The following STRA8 variants were observed in gnomAD, a reference collection of about 807,000 sequenced individuals.
STRA8 encodes the protein stimulated by retinoic acid gene 8 protein homolog.
Under a neutral mutation model 37.1 loss-of-function variants are expected in STRA8, and 18 were observed. That is an observed-to-expected ratio of 0.48 (90% CI 0.34 to 0.72). STRA8 has a LOEUF of 0.72. Among genes scored for constraint, STRA8 ranks in the 30% least tolerant of loss-of-function variants. The pLI is 0.01. For synonymous variants in STRA8, 168 were observed against 162.9 expected (o/e 1.03, Z -0.24); for missense variants, 357 against 410.4 (o/e 0.87, Z 1.13).
rs760242264 is a variant in STRA8, at chr7:135,240,735, G to A, written c.192+19G>A. 3.1e-6 allele frequency: 5 copies of A among 1,612,754 alleles called. No individual in the cohort carries two copies. In the South Asian group the frequency reaches 5.5e-5, roughly 18 times the overall value. ...CTCAAAGGTATGGGGACCTGGAGGA[G>A]GAGAGGGGACATCTCCACGGGGAAG... On this transcript the variant is annotated intron_variant, in intron 2 of 8. Transcript: ENST00000662584.
intron 4 of STRA8, 60 bp from the exon 5 acceptor site, chr7:135,245,228 T>C (rs1267574852): frequency 1.3e-6 from 1 of 779,266 alleles, no homozygotes; most frequent in Non-Finnish European, 2.4e-6. Flanking sequence ...TAAGAATTTC[T>C]TGTCCATGTT....
chr7:135,234,555 T>G (rs1296356846), intron 1 of STRA8, among the ~76,000 whole-genome samples: 1 of 152,252 alleles, frequency 6.6e-6, no homozygotes, highest in African/African-American at 2.4e-5. Context: ...GACTGATGCT[T>G]AAAAATGAAC....
At chr7:135,255,854 C>G (rs574600986) in intron 8 of STRA8, among the ~76,000 whole-genome samples, 1 of 152,374 alleles carries the variant, frequency 6.6e-6, no homozygotes, top group African/African-American at 2.4e-5. Context: ...GGGCCTGACT[C>G]TCAGCAGGCA....
chr7:135,239,013 A>G (rs1403814387), intron 1 of STRA8, among the ~76,000 whole-genome samples: 2 of 152,222 alleles, frequency 1.3e-5, no homozygotes, highest in Non-Finnish European at 2.9e-5. Context: ...CTGTTCCAAA[A>G]AGCAAAACAA....
chr7:135,254,559 A>G (rs1832679201), intron 7 of STRA8, among the ~76,000 whole-genome samples: 1 of 152,204 alleles, frequency 6.6e-6, no homozygotes, highest in Non-Finnish European at 1.5e-5. Flanking sequence ...AGTTGCTGTC[A>G]GCTTTTGAAG....
chr7:135,236,583 G>T (rs1832381692), intron 1 of STRA8, among the ~76,000 whole-genome samples: 1 of 152,108 alleles, frequency 6.6e-6, no homozygotes, highest in South Asian at 2.1e-4. Flanking sequence ...GTCTGGATAG[G>T]ATATCCAGCT....
rs755550427 is a variant in STRA8, at chr7:135,246,371, C to A, written c.594-46C>A. The A allele has an allele frequency of 3.2e-6, 5 of 1,568,954 alleles. No homozygotes were observed. Among genetic ancestry groups the A allele is most frequent in the Non-Finnish European group, 3.5e-6 (4 of 1,155,762 alleles). On this transcript the variant is annotated intron_variant, in intron 5 of 8. Coordinates refer to ENST00000662584, the MANE Select transcript of STRA8 (RefSeq NM_001394401.1). This position sits in a 1 kb window ranked among gnomAD's most constrained non-coding sequence, Gnocchi z 5.4. ...CCATGAACCGAATCCCGAATCGCTT[C>A]GAGAGGGAGCTTTAGGGGTGCGAGA...
intron 7 of STRA8, among the ~76,000 whole-genome samples, chr7:135,252,675 C>A (rs1034607607): frequency 3.3e-5 from 5 of 152,140 alleles, no homozygotes; most frequent in African/African-American, 1.2e-4. Flanking sequence ...CACTTTGCAC[C>A]CCATTCCCAG....
chr7:135,253,313 C>A (rs1427801737), intron 7 of STRA8, among the ~76,000 whole-genome samples: 2 of 152,100 alleles, frequency 1.3e-5, no homozygotes, highest in East Asian at 3.8e-4. Flanking sequence ...TCCCGGAGTC[C>A]CCCACCTCCT....
rs117266572 is a variant in STRA8, at chr7:135,234,406, C to A, written c.-7+503C>A. ...TACAGGCAGGAGCCACGGCACCCAG[C>A]CAATTCTGGATTATTTTTACATAAT... On this transcript the variant is annotated intron_variant, in intron 1 of 8. Transcript: ENST00000662584. Among the ~76,000 whole-genome samples, 37 of 152,250 alleles carry A rather than the reference C, an allele frequency of 2.4e-4. No individual in the cohort carries two copies. The East Asian group carries it at 6.9e-3, about 29-fold the overall frequency.
chr7:135,240,780 A>G, intron 2 of STRA8, 64 bp downstream of exon 2: 2 of 1,576,500 alleles, frequency 1.3e-6, no homozygotes, highest in Non-Finnish European at 1.7e-6. Context: ...TCACAGGTGG[A>G]GGGACTGTGT....
chr7:135,255,008 T>C (rs1469499631), intron 7 of STRA8, 106 bp from the exon 8 acceptor site: 2 of 849,020 alleles, frequency 2.4e-6, no homozygotes, highest in African/African-American at 3.3e-5. Context: ...AGAATTTACA[T>C]GTGCTTGGTT....
intron 1 of STRA8, among the ~76,000 whole-genome samples, chr7:135,239,116 G>T (rs1324515884): frequency 6.6e-6 from 1 of 152,200 alleles, no homozygotes; most frequent in Non-Finnish European, 1.5e-5. Flanking sequence ...TGCCTGATTG[G>T]GTTTACCATC....
intron 1 of STRA8, among the ~76,000 whole-genome samples, 37 bp downstream of exon 1, chr7:135,233,940 C>T (rs1183157371): frequency 6.6e-6 from 1 of 152,124 alleles, no homozygotes; most frequent in Non-Finnish European, 1.5e-5. Flanking sequence ...CAGAAAGGTG[C>T]CCTTGGGCAT....
At chr7:135,240,390 G>A in intron 1 of STRA8, 129 bp from the exon 2 acceptor site, 2 of 796,624 alleles carry the variant, frequency 2.5e-6, no homozygotes, top group South Asian at 3.7e-5. Context: ...AATTCATGAG[G>A]GAGTGAATTT....
chr7:135,253,607 A>G (rs1033630173), intron 7 of STRA8, among the ~76,000 whole-genome samples: 3 of 152,218 alleles, frequency 2.0e-5, no homozygotes, highest in African/African-American at 7.2e-5. Flanking sequence ...AGCTGACCCC[A>G]TGAAGTGGGA....
chr7:135,242,687 C>T (rs189650453), intron 2 of STRA8, 94 bp from the exon 3 acceptor site: 82 of 1,121,000 alleles, frequency 7.3e-5, no homozygotes, highest in African/African-American at 6.6e-4. Flanking sequence ...TCTGAGGGAG[C>T]GTGGCCTCAG....
At chr7:135,238,254 A>G (rs965305173) in intron 1 of STRA8, among the ~76,000 whole-genome samples, 1 of 152,174 alleles carries the variant, frequency 6.6e-6, no homozygotes, top group Non-Finnish European at 1.5e-5. Context: ...GCCTGGGGGC[A>G]GGCAAGATGG....
rs369670063 is a variant in STRA8 at position 135,246,560 on chromosome 7, G to C, written c.737G>C (p.Arg246Pro). ...TCGGAGGAGAGGAAGGCCAGCCTCC[G>C]GCAGGCCTGGGCGCAGAAGCACCGC... Reference protein sequence around the residue: ...NLSEERKASLRQAWAQKHRGP... With the variant: ...NLSEERKASLPQAWAQKHRGP... The change falls in exon 6 of 9, where the codon CGG (arginine) becomes CCG (proline). Residue 246 changes from arginine to proline, a missense_variant. Physicochemically the swap from Arg to Pro is moderately radical, Grantham distance 103 (BLOSUM62 -2). Transcript: ENST00000662584. This position sits in a 1 kb window ranked among gnomAD's most constrained non-coding sequence, Gnocchi z 5.4. 3 of 1,560,858 alleles carry C rather than the reference G, an allele frequency of 1.9e-6. 1 individual carries two copies. Among genetic ancestry groups the C allele is most frequent in the South Asian group, 2.4e-5 (2 of 84,882 alleles).
Sources: gnomAD v4.1 joint callset for allele counts (sites outside exome capture counted in the v4.1 genomes callset) on GRCh38, gnomAD v4.1.1 for gene constraint, Gnocchi (gnomAD v3.1) non-coding constraint, MANE v1.5 for transcripts, NCBI Gene and HGNC (gene_info 2026-07-23, HGNC 2026-07-21) for gene names.